GALNTL6: variants seen among roughly 807,000 people sequenced by gnomAD.
GALNTL6 encodes polypeptide N-acetylgalactosaminyltransferase-like 6.
In GALNTL6, 46 loss-of-function variants were observed where a neutral mutation model predicts 73.7. That is an observed-to-expected ratio of 0.62 (90% CI 0.49 to 0.80). The LOEUF (loss-of-function observed/expected upper bound fraction) is 0.80, where lower values mean the gene tolerates loss of function less well. GALNTL6 is among the 30% of genes least tolerant of loss of function. The pLI, the probability that GALNTL6 is intolerant of heterozygous loss-of-function variation, is 0.00. For synonymous variants in GALNTL6, 259 were observed against 263.7 expected (o/e 0.98, Z 0.17); for missense variants, 604 against 755.0 (o/e 0.80, Z 2.34).
At chr4:172,845,150 G>A (rs1354206645) in intron 7 of GALNTL6, among the ~76,000 whole-genome samples, 3 of 150,764 alleles carry the variant, frequency 2.0e-5, no homozygotes, top group East Asian at 2.0e-4. Flanking sequence ...CCCAGGAGGC[G>A]GAGGTTGCAG....
chr4:172,373,960 C>A (rs183611543), intron 5 of GALNTL6, among the ~76,000 whole-genome samples: 4 of 152,264 alleles, frequency 2.6e-5, no homozygotes, highest in East Asian at 3.9e-4. Context: ...ATAGCCAGGG[C>A]TCAGTGAGGG....
chr4:172,960,890 T>C (rs1202654062), intron 10 of GALNTL6, among the ~76,000 whole-genome samples: 12 of 151,132 alleles, frequency 7.9e-5, no homozygotes. Flanking sequence ...AGGCTGCCCA[T>C]AGTGAAGGAG....
At chr4:172,699,703 A>G (rs1471996208) in intron 5 of GALNTL6, among the ~76,000 whole-genome samples, 2 of 152,222 alleles carry the variant, frequency 1.3e-5, no homozygotes, top group Non-Finnish European at 2.9e-5. Context: ...CAAAGAGTTA[A>G]GATTTGCAGT....
At chr4:172,735,454 TA>T (rs1488763219) in intron 5 of GALNTL6, among the ~76,000 whole-genome samples, 1 of 152,210 alleles carries the variant, frequency 6.6e-6, no homozygotes, top group Non-Finnish European at 1.5e-5. Flanking sequence ...CCATTGTATC[TA>T]GGAAGTAACT....
chr4:172,304,425 G>GAA (rs3083267), intron 3 of GALNTL6, among the ~76,000 whole-genome samples: 96,344 of 149,736 alleles, frequency 0.64, 31,459 homozygotes, highest in East Asian at 0.79. Context: ...TAGTATATGG[G>GAA]AAAAAAAAAA....
intron 8 of GALNTL6, among the ~76,000 whole-genome samples, chr4:172,889,935 G>A (rs1002010958): frequency 4.6e-5 from 7 of 152,038 alleles, no homozygotes; most frequent in African/African-American, 1.4e-4. Flanking sequence ...ATCAGAACTC[G>A]ATATTCGTCT....
At chr4:172,654,637 C>G (rs1482954976) in intron 5 of GALNTL6, among the ~76,000 whole-genome samples, 1 of 152,178 alleles carries the variant, frequency 6.6e-6, no homozygotes, top group African/African-American at 2.4e-5. Context: ...GCAGGCTGAA[C>G]TTCCCATAAA....
At chr4:172,571,080 CG>C (rs1736742173) in intron 5 of GALNTL6, among the ~76,000 whole-genome samples, 1 of 152,132 alleles carries the variant, frequency 6.6e-6, no homozygotes, top group Admixed American at 6.5e-5. Flanking sequence ...CCCCCCAGTG[CG>C]TGGCCTGGTT....
At chr4:171,969,648 G>T (rs953292232) in intron 2 of GALNTL6, among the ~76,000 whole-genome samples, 1 of 152,086 alleles carries the variant, frequency 6.6e-6, no homozygotes, top group Non-Finnish European at 1.5e-5. Flanking sequence ...TTCAAGAAAT[G>T]CCCTTAAAAA....
chr4:171,933,299 T>G (rs1738243429), intron 2 of GALNTL6, among the ~76,000 whole-genome samples: 1 of 152,214 alleles, frequency 6.6e-6, no homozygotes, highest in African/African-American at 2.4e-5. Context: ...TGTTTTTCAA[T>G]AAGTATAATT....
Position 172,381,386 on chromosome 4 carries a change from C to A in GALNTL6, c.553+32697C>A, listed in dbSNP as rs576180481. 3.3e-5 allele frequency among the ~76,000 whole-genome samples: 5 copies of A among 152,174 alleles called. No individual in the cohort carries two copies. In the South Asian group the frequency reaches 1.0e-3, roughly 32 times the overall value. On this transcript the variant is annotated intron_variant, in intron 5 of 12. Coordinates refer to ENST00000506823, the MANE Select transcript of GALNTL6 (RefSeq NM_001034845.3). ...ATCCAATCTTATAATAGTTTCATCA[C>A]CCCCAAAAGGAACCCCACACCCAAG...
At chr4:171,918,533 C>T (rs1484532824) in intron 2 of GALNTL6, among the ~76,000 whole-genome samples, 2 of 152,056 alleles carry the variant, frequency 1.3e-5, no homozygotes, top group Non-Finnish European at 1.5e-5. Flanking sequence ...AACCTCTGCA[C>T]GGTGTTGGTA....
chr4:171,902,825 G>A (rs1248386970), intron 2 of GALNTL6, among the ~76,000 whole-genome samples: 1 of 152,118 alleles, frequency 6.6e-6, no homozygotes, highest in Non-Finnish European at 1.5e-5. Context: ...ACAGAAAATG[G>A]AAAGGATACT....
rs1734434310 is a variant in GALNTL6, at chr4:172,510,619, A to G, written c.553+161930A>G. ...TTATTACCTTAAGTATGTCCTTTCTATGCCAATTTTGTTGAGCATTTTAAT... is the reference window on the plus strand; with the variant it reads ...TTATTACCTTAAGTATGTCCTTTCTGTGCCAATTTTGTTGAGCATTTTAAT... On this transcript the variant is annotated intron_variant, in intron 5 of 12. Transcript: ENST00000506823. Among the ~76,000 whole-genome samples, 4 of 55,034 alleles carry G rather than the reference A, an allele frequency of 7.3e-5. 2 individuals carry two copies. In the Admixed American group the frequency reaches 1.0e-3, roughly 14 times the overall value. 36.1% of individuals were successfully genotyped at this position (55,034 alleles called of 152,430 possible).
At position 171,837,984 on chromosome 4, in the gene GALNTL6, C is replaced by T. The variant is rs79228472; in HGVS notation, c.138+23266C>T. 7.9e-3 allele frequency among the ~76,000 whole-genome samples: 1,192 copies of T among 151,644 alleles called. 20 individuals carry two copies. The highest frequency in any genetic ancestry group is 0.027 in the African/African-American group (1,132 of 41,442). ...CTAGTAGGAAGCTCCAAGATAAATG[C>T]TGTGTTTATTTGGTGTAACTTTCTT... On this transcript the variant is annotated intron_variant, in intron 2 of 12. Coordinates refer to ENST00000506823, the MANE Select transcript of GALNTL6 (RefSeq NM_001034845.3).
chr4:172,675,946 A>G (rs377405077), intron 5 of GALNTL6, among the ~76,000 whole-genome samples: 9 of 152,344 alleles, frequency 5.9e-5, no homozygotes, highest in Admixed American at 3.9e-4. Flanking sequence ...ATTCCTTAAT[A>G]AGAGTTAAAG....
At chr4:172,605,363 T>A (rs920051863) in intron 5 of GALNTL6, among the ~76,000 whole-genome samples, 29 of 152,166 alleles carry the variant, frequency 1.9e-4, no homozygotes, top group Non-Finnish European at 2.9e-5. Context: ...GTGATAATCA[T>A]TTTGGGTTCA....
At chr4:172,099,367 ACATAAGCTC>A (rs1732447179) in intron 2 of GALNTL6, among the ~76,000 whole-genome samples, 2 of 152,180 alleles carry the variant, frequency 1.3e-5, no homozygotes, top group African/African-American at 4.8e-5. Flanking sequence ...TTATTTCTCA[ACATAAGCTC>A]CATCAAAATC....
rs2126443392 is a variant in GALNTL6, at chr4:172,985,727, C to T, written c.1372-23451C>T. On this transcript the variant is annotated intron_variant, in intron 10 of 12. Transcript: ENST00000506823. The stretch of plus-strand genomic sequence containing the variant: ...GCTGTCCTTTTATGCTGAGTCAGTT[C>T]CTAGGTGGGAACCACAAGACCAGAT... Among the ~76,000 whole-genome samples the T allele has an allele frequency of 1.3e-5, 2 of 152,212 alleles. 1 individual carries two copies. Among genetic ancestry groups the T allele is most frequent in the South Asian group, 4.2e-4 (2 of 4,810 alleles).
Sources: allele counts gnomAD v4.1 joint callset (sites outside exome capture counted in the v4.1 genomes callset), GRCh38; gene constraint gnomAD v4.1.1; transcripts MANE v1.5; gene names NCBI Gene and HGNC (gene_info 2026-07-23, HGNC 2026-07-21).